The following CRPPA variants were observed in gnomAD, a reference collection of about 807,000 sequenced individuals.
CRPPA encodes D-ribitol-5-phosphate cytidylyltransferase.
Under a neutral mutation model 52.0 loss-of-function variants are expected in CRPPA, and 43 were observed. The observed-to-expected ratio is 0.83, with a 90% CI of 0.65 to 1.07. CRPPA has a LOEUF of 1.07. CRPPA is among the 50% of genes least tolerant of loss of function. The pLI is 0.00. For synonymous variants in CRPPA, 250 were observed against 203.5 expected, an observed-to-expected ratio of 1.23 and a Z score of -1.94; for missense variants, 629 against 551.7, an observed-to-expected ratio of 1.14 and a Z score of -1.40.
chr7:16,141,000 C>T (rs1782859126), intron 9 of CRPPA, among the ~76,000 whole-genome samples: 2 of 152,144 alleles, frequency 1.3e-5, no homozygotes, highest in African/African-American at 4.8e-5. Context: ...TATTAAGAAC[C>T]TTGCCTAGAG....
At chr7:16,232,561 A>C (rs74350728) in intron 8 of CRPPA, among the ~76,000 whole-genome samples, 3,738 of 152,182 alleles carry the variant, frequency 0.025, 124 homozygotes, top group African/African-American at 0.082. Context: ...TGCCCAGTTC[A>C]TGTTATTCTA....
At chr7:16,145,578 A>C (rs138739768) in intron 9 of CRPPA, among the ~76,000 whole-genome samples, 3 of 152,244 alleles carry the variant, frequency 2.0e-5, no homozygotes, top group African/African-American at 7.2e-5. Flanking sequence ...TAAACAACTT[A>C]ATAAAACTAG....
At chr7:16,263,687 G>A (rs569842789) in intron 6 of CRPPA, among the ~76,000 whole-genome samples, 1 of 152,100 alleles carries the variant, frequency 6.6e-6, no homozygotes, top group Non-Finnish European at 1.5e-5. Context: ...GGGAGGCAGA[G>A]GTTGCAGTGA....
chr7:16,154,768 T>C (rs941807735), intron 9 of CRPPA, among the ~76,000 whole-genome samples: 4 of 151,854 alleles, frequency 2.6e-5, no homozygotes, highest in Admixed American at 2.6e-4. Context: ...GGTGATTCAA[T>C]CTTCAAAGTT....
At chr7:16,111,595 A>T (rs1371251230) in intron 9 of CRPPA, among the ~76,000 whole-genome samples, 1 of 152,186 alleles carries the variant, frequency 6.6e-6, no homozygotes, top group African/African-American at 2.4e-5. Flanking sequence ...ATCAACCTTT[A>T]AAAAAGTAAC....
At chr7:16,249,113 C>T (rs1040446475) in intron 8 of CRPPA, among the ~76,000 whole-genome samples, 4 of 152,144 alleles carry the variant, frequency 2.6e-5, no homozygotes, top group Non-Finnish European at 4.4e-5. Flanking sequence ...CTGGGTGGTT[C>T]GAACTGGATG....
intron 5 of CRPPA, among the ~76,000 whole-genome samples, chr7:16,286,256 A>C (rs978885492): frequency 1.3e-5 from 2 of 151,086 alleles, no homozygotes; most frequent in African/African-American, 4.9e-5. Context: ...GATGAGATTA[A>C]TATTTAACTA....
chr7:16,263,882 G>C (rs762972240), intron 6 of CRPPA, among the ~76,000 whole-genome samples: 1 of 151,962 alleles, frequency 6.6e-6, no homozygotes, highest in Admixed American at 6.6e-5. Flanking sequence ...TGCACTTAAA[G>C]TCATTCTTTA....
At chr7:16,096,279 A>G (rs557422186) in intron 9 of CRPPA, among the ~76,000 whole-genome samples, 4 of 140,388 alleles carry the variant, frequency 2.8e-5, no homozygotes, top group Admixed American at 6.9e-5. Flanking sequence ...AAAGATGCAG[A>G]AAAAAAAACA....
At chr7:16,211,035 C>T (rs1207293661) in intron 9 of CRPPA, among the ~76,000 whole-genome samples, 1 of 152,084 alleles carries the variant, frequency 6.6e-6, no homozygotes, top group African/African-American at 2.4e-5. Flanking sequence ...ATCCTGATTA[C>T]CCCAATTTTA....
intron 2 of CRPPA, among the ~76,000 whole-genome samples, chr7:16,378,971 A>G (rs904729930): frequency 6.6e-6 from 1 of 151,724 alleles, no homozygotes; most frequent in Non-Finnish European, 1.5e-5. Context: ...TTTTTCTTGT[A>G]AATTTGTTTG....
chr7:16,091,564 C>T lies in CRPPA; in HGVS notation c.*131G>A. On this transcript the variant is annotated 3_prime_UTR_variant, in exon 10 of 10. Coordinates refer to ENST00000407010, the MANE Select transcript of CRPPA (RefSeq NM_001101426.4). ...TTAATCTGCTTTATAATCTAAGCATCACATCCTACAAATTATAGAGAAGAT... is the reference window on the plus strand; with the variant it reads ...TTAATCTGCTTTATAATCTAAGCATTACATCCTACAAATTATAGAGAAGAT... 2 of 598,502 alleles carry T rather than the reference C, an allele frequency of 3.3e-6. No homozygotes were observed. Among genetic ancestry groups the T allele is most frequent in the Non-Finnish European group, 5.8e-6 (2 of 343,814 alleles). 37.1% of individuals were successfully genotyped at this position (598,502 alleles called of 1,614,324 possible).
At chr7:16,166,073 G>A (rs906483877) in intron 9 of CRPPA, among the ~76,000 whole-genome samples, 1 of 152,116 alleles carries the variant, frequency 6.6e-6, no homozygotes, top group Non-Finnish European at 1.5e-5. Context: ...CCTCTTAAAT[G>A]TTATAACACC....
chr7:16,389,398 G>A (rs1346940278), intron 2 of CRPPA, among the ~76,000 whole-genome samples: 2 of 152,100 alleles, frequency 1.3e-5, no homozygotes, highest in East Asian at 1.9e-4. Flanking sequence ...ATAAAAAAGC[G>A]TTATACACCA....
At chr7:16,404,754 T>C (rs1440494913) in intron 2 of CRPPA, among the ~76,000 whole-genome samples, 1 of 152,178 alleles carries the variant, frequency 6.6e-6, no homozygotes, top group Non-Finnish European at 1.5e-5. Context: ...TCTGCTTCTT[T>C]ATGCCTTCTC....
intron 3 of CRPPA, among the ~76,000 whole-genome samples, chr7:16,355,841 T>C (rs1206061113): frequency 6.6e-6 from 1 of 152,174 alleles, no homozygotes. Context: ...CACAGTGACT[T>C]GAGTAGGCAT....
intron 8 of CRPPA, chr7:16,247,857 C>T (rs994520460): frequency 3.9e-5 from 6 of 152,060 alleles, no homozygotes; most frequent in Non-Finnish European, 7.4e-5. Flanking sequence ...CATGTACACC[C>T]TAACTAAAGG....
At chr7:16,233,844 CATTT>C (rs1420200775) in intron 8 of CRPPA, among the ~76,000 whole-genome samples, 1 of 152,062 alleles carries the variant, frequency 6.6e-6, no homozygotes, top group East Asian at 1.9e-4. Context: ...GTAATATTAG[CATTT>C]ATTTTAAGTT....
At chr7:16,239,134 T>A (rs374384199) in intron 8 of CRPPA, among the ~76,000 whole-genome samples, 1 of 14,698 alleles carries the variant, frequency 6.8e-5, no homozygotes, top group Admixed American at 8.9e-4. Context: ...CAAGACTCTG[T>A]CTCAAAAAAA....
Sources: gnomAD v4.1 joint callset for allele counts (sites outside exome capture counted in the v4.1 genomes callset) on GRCh38, gnomAD v4.1.1 for gene constraint, MANE v1.5 for transcripts, NCBI Gene and HGNC (gene_info 2026-07-23, HGNC 2026-07-21) for gene names.